GRIK1: variants seen among roughly 807,000 people sequenced by gnomAD.
GRIK1 encodes the protein glutamate ionotropic receptor kainate type subunit 1.
In GRIK1, 69 loss-of-function variants were observed where a neutral mutation model predicts 105.7. The ratio of observed to expected loss-of-function variants is 0.65; its 90% CI spans 0.54 to 0.80. GRIK1 has a LOEUF of 0.80. GRIK1 is among the 30% of genes least tolerant of loss of function. The probability of loss-of-function intolerance (pLI) is 0.00; values close to 1 mark genes in which losing one functional copy is unlikely to be tolerated. For synonymous variants in GRIK1, 438 were observed against 431.3 expected, an observed-to-expected ratio of 1.02 and a Z score of -0.19; for missense variants, 1,109 against 1,167.3, an observed-to-expected ratio of 0.95 and a Z score of 0.73.
chr21:29,879,448 G>A (rs1196719605), intron 1 of GRIK1, among the ~76,000 whole-genome samples: 1 of 152,040 alleles, frequency 6.6e-6, no homozygotes, highest in Non-Finnish European at 1.5e-5. Context: ...TCAGGTTCAC[G>A]AGATACATGG....
chr21:29,906,526 T>C (rs1214011893), intron 1 of GRIK1, among the ~76,000 whole-genome samples: 1 of 152,228 alleles, frequency 6.6e-6, no homozygotes, highest in Non-Finnish European at 1.5e-5. Flanking sequence ...GTTTACTGAG[T>C]TATATTCAAT....
chr21:29,629,195 TGTG>T (rs1490529813), intron 7 of GRIK1, among the ~76,000 whole-genome samples: 4 of 44,718 alleles, frequency 8.9e-5, no homozygotes, highest in African/African-American at 5.4e-4. Context: ...AAAGGAGAAA[TGTG>T]TGTGTGTGTG....
chr21:29,816,982 T>G (rs1309945914), intron 1 of GRIK1, among the ~76,000 whole-genome samples: 1 of 152,128 alleles, frequency 6.6e-6, no homozygotes, highest in Non-Finnish European at 1.5e-5. Context: ...GTGATAGATA[T>G]TCTAAATATG....
intron 1 of GRIK1, among the ~76,000 whole-genome samples, chr21:29,801,338 A>G (rs375236905): frequency 1.3e-5 from 2 of 151,914 alleles, no homozygotes; most frequent in East Asian, 3.9e-4. Context: ...CCTCTTTTTA[A>G]ATTTAGCTGA....
intron 1 of GRIK1, among the ~76,000 whole-genome samples, chr21:29,756,967 A>G (rs1376834421): frequency 6.6e-6 from 1 of 151,962 alleles, no homozygotes; most frequent in African/African-American, 2.4e-5. Context: ...CATACAAAAA[A>G]TTAGCTGGGT....
chr21:29,896,670 T>C (rs1336408209), intron 1 of GRIK1, among the ~76,000 whole-genome samples: 2 of 152,248 alleles, frequency 1.3e-5, no homozygotes, highest in East Asian at 3.8e-4. Flanking sequence ...GGAAATACAC[T>C]GTATTCACTA....
chr21:29,715,516 A>C (rs994743416), intron 1 of GRIK1, among the ~76,000 whole-genome samples: 4 of 151,974 alleles, frequency 2.6e-5, no homozygotes, highest in African/African-American at 9.7e-5. Flanking sequence ...ATGTGTGGGA[A>C]ACAAAATATC....
At chr21:29,882,104 A>G (rs576602980) in intron 1 of GRIK1, among the ~76,000 whole-genome samples, 1 of 152,134 alleles carries the variant, frequency 6.6e-6, no homozygotes, top group East Asian at 1.9e-4. Flanking sequence ...CAAACAAACA[A>G]CAGTAACAAT....
At chr21:29,637,467 T>C (rs549727043) in intron 7 of GRIK1, among the ~76,000 whole-genome samples, 12 of 152,300 alleles carry the variant, frequency 7.9e-5, no homozygotes, top group Admixed American at 2.0e-4. Flanking sequence ...GTTCAAATGT[T>C]TGTTTACCCC....
rs145252063 is a variant in GRIK1, at chr21:29,755,219, G to C, written c.119-61156C>G. Among the ~76,000 whole-genome samples the C allele has an allele frequency of 1.1e-4, 17 of 152,254 alleles. No homozygotes were observed. The East Asian group carries it at 3.3e-3, about 29-fold the overall frequency. ...CCTGGAAGTTCTCAAGTCTTTTCCT[G>C]TTAGTATATTAATATGGATTCATTT... is the stretch of plus-strand genomic sequence containing the variant. On this transcript the variant is annotated intron_variant, in intron 1 of 17. Coordinates refer to ENST00000327783, the MANE Select transcript of GRIK1 (RefSeq NM_001330994.2).
At chr21:29,689,260 T>A (rs1328601702) in intron 3 of GRIK1, among the ~76,000 whole-genome samples, 1 of 152,166 alleles carries the variant, frequency 6.6e-6, no homozygotes, top group Non-Finnish European at 1.5e-5. Context: ...GGATTCATAG[T>A]CCCTTTCCCA....
At chr21:29,611,894 G>T (rs373627339) in intron 7 of GRIK1, among the ~76,000 whole-genome samples, 176 of 152,278 alleles carry the variant, frequency 1.2e-3, no homozygotes, top group African/African-American at 3.9e-3. Context: ...CTCATTTAGT[G>T]GCATGTTTGA....
At chr21:29,827,432 G>A (rs1347556647) in intron 1 of GRIK1, among the ~76,000 whole-genome samples, 3 of 152,088 alleles carry the variant, frequency 2.0e-5, no homozygotes, top group Admixed American at 6.6e-5. Context: ...AGTTGCAAAA[G>A]CATGAAAAAT....
intron 1 of GRIK1, among the ~76,000 whole-genome samples, chr21:29,695,326 C>G (rs1371569668): frequency 2.6e-5 from 4 of 152,152 alleles, no homozygotes; most frequent in Admixed American, 2.6e-4. Flanking sequence ...ATTTAAGTTA[C>G]TCCTTGATTG....
At chr21:29,708,878 A>G (rs73354526) in intron 1 of GRIK1, among the ~76,000 whole-genome samples, 1 of 152,168 alleles carries the variant, frequency 6.6e-6, no homozygotes, top group Non-Finnish European at 1.5e-5. Flanking sequence ...TTGGAATTCA[A>G]AATTTCTCCT....
intron 1 of GRIK1, among the ~76,000 whole-genome samples, chr21:29,726,901 T>G (rs1337692616): frequency 6.6e-6 from 1 of 151,258 alleles, no homozygotes; most frequent in African/African-American, 2.4e-5. Context: ...TATTTTGGGG[T>G]CAATTTTTAT....
At chr21:29,827,927 TGGGCCACTGAGTTTTTTGAGCTCA>T (rs1296467523) in intron 1 of GRIK1, among the ~76,000 whole-genome samples, 1 of 151,918 alleles carries the variant, frequency 6.6e-6, no homozygotes, top group Non-Finnish European at 1.5e-5. Context: ...TTGAATTGGC[TGGGCCACTGAGTTTTTTGAGCTCA>T]TGTCTTTCTA....
intron 1 of GRIK1, among the ~76,000 whole-genome samples, chr21:29,829,220 T>C (rs1296323201): frequency 1.3e-5 from 2 of 152,176 alleles, no homozygotes; most frequent in Non-Finnish European, 1.5e-5. Context: ...AAGACTCTAA[T>C]AAGAAAAAGG....
At chr21:29,872,225 G>C (rs1187063577) in intron 1 of GRIK1, among the ~76,000 whole-genome samples, 2 of 128,180 alleles carry the variant, frequency 1.6e-5, no homozygotes, top group East Asian at 2.2e-4. Flanking sequence ...ACGGAGTCTC[G>C]CTCTGTCGCC....
Sources: gnomAD v4.1 joint callset for allele counts (sites outside exome capture counted in the v4.1 genomes callset) on GRCh38, gnomAD v4.1.1 for gene constraint, MANE v1.5 for transcripts, NCBI Gene and HGNC (gene_info 2026-07-23, HGNC 2026-07-21) for gene names.